The following MAML3 variants were observed in gnomAD, a reference collection of about 807,000 sequenced individuals.
MAML3 encodes mastermind-like protein 3.
MAML3 carries 27 observed loss-of-function variants against 101.9 expected under a neutral mutation model. That is an observed-to-expected ratio of 0.27 (90% CI 0.20 to 0.37). MAML3 has a LOEUF of 0.37. Among genes scored for constraint, MAML3 ranks in the 10% least tolerant of loss-of-function variants. MAML3 has a pLI of 1.00. For missense variants in MAML3, 1,316 were observed against 1,444.9 expected (o/e 0.91, Z 1.45); for synonymous variants, 501 against 555.9 (o/e 0.90, Z 1.39).
In MAML3 at chr4:139,716,767, CTTTTA is replaced by C. The variant is rs1727985011; in HGVS notation, c.*2551_*2555del. The C allele has an allele frequency of 6.6e-6, 1 of 152,428 alleles. No individual in the cohort carries two copies. Among genetic ancestry groups the C allele is most frequent in the Non-Finnish European group, 1.5e-5 (1 of 68,040 alleles). 9.4% of individuals were successfully genotyped at this position (152,428 alleles called of 1,614,324 possible). On this transcript the variant is annotated 3_prime_UTR_variant, in exon 5 of 5. Transcript: ENST00000509479. ...TATACTTTGGATTGATTCAGATAAT[CTTTTA>C]TTTTTGTTTTTGTTTTCTTTAAAAG...
rs116732664 is a variant in MAML3 at position 139,897,274 on chromosome 4, G to A, written c.469-6307C>T. Among the ~76,000 whole-genome samples the A allele has an allele frequency of 6.5e-4, 99 of 152,288 alleles. No homozygotes were observed. The Middle Eastern group carries it at 0.01, about 16-fold the overall frequency. Reference sequence around the variant, plus strand: ...GGTTTTATTACAATCATCTTGCAGAGGCATCGTGGGTTAAGCAGTGTGTCT... The same window carrying A: ...GGTTTTATTACAATCATCTTGCAGAAGCATCGTGGGTTAAGCAGTGTGTCT... On this transcript the variant is annotated intron_variant, in intron 1 of 4. Transcript: ENST00000509479.
At chr4:140,074,146 G>T (rs1727714550) in intron 1 of MAML3, among the ~76,000 whole-genome samples, 1 of 128,442 alleles carries the variant, frequency 7.8e-6, no homozygotes, top group Non-Finnish European at 1.7e-5. Flanking sequence ...GAAAAAGAAA[G>T]AAAGAAAGAG....
intron 2 of MAML3, among the ~76,000 whole-genome samples, chr4:139,821,460 C>T (rs1308379349): frequency 6.6e-6 from 1 of 152,206 alleles, no homozygotes; most frequent in Admixed American, 6.5e-5. Flanking sequence ...GGTGGAAGAG[C>T]TTCATCCTGA....
chr4:139,974,128 C>G (rs1316033675), intron 1 of MAML3, among the ~76,000 whole-genome samples: 1 of 136,526 alleles, frequency 7.3e-6, no homozygotes, highest in Admixed American at 7.6e-5. Flanking sequence ...TTTTTTGAGA[C>G]AGAGTCTCGC....
chr4:139,878,107 T>C (rs999261293), intron 2 of MAML3, among the ~76,000 whole-genome samples: 3 of 152,196 alleles, frequency 2.0e-5, no homozygotes, highest in Non-Finnish European at 4.4e-5. Context: ...TTTGCCTCGC[T>C]ATTCCGCACC....
chr4:139,944,073 T>C (rs1003709355), intron 1 of MAML3, among the ~76,000 whole-genome samples: 2 of 152,054 alleles, frequency 1.3e-5, no homozygotes, highest in African/African-American at 4.8e-5. Context: ...GATTTCACCA[T>C]GTTCGCTGGG....
At chr4:139,886,960 G>T (rs1176066710) in intron 2 of MAML3, among the ~76,000 whole-genome samples, 3 of 152,116 alleles carry the variant, frequency 2.0e-5, no homozygotes, top group Non-Finnish European at 4.4e-5. Context: ...GTGCCTAAAA[G>T]GCTTTGCTGC....
At chr4:139,779,275 C>A (rs1730156576) in intron 2 of MAML3, among the ~76,000 whole-genome samples, 2 of 152,162 alleles carry the variant, frequency 1.3e-5, no homozygotes, top group Admixed American at 1.3e-4. Flanking sequence ...GATTGATTCA[C>A]ACACCTCACA....
chr4:139,756,120 T>C (rs1459762723), intron 2 of MAML3, among the ~76,000 whole-genome samples: 1 of 152,184 alleles, frequency 6.6e-6, no homozygotes, highest in Non-Finnish European at 1.5e-5. Flanking sequence ...ATGAACATAC[T>C]GCAGGAGTAT....
At chr4:139,725,682 T>C in intron 4 of MAML3, 69 bp downstream of exon 4, 1 of 1,450,904 alleles carries the variant, frequency 6.9e-7, no homozygotes. Context: ...AGGCAATGCC[T>C]CTGGCTACAC....
intron 1 of MAML3, among the ~76,000 whole-genome samples, chr4:139,913,750 A>G (rs1443291328): frequency 6.6e-6 from 1 of 152,178 alleles, no homozygotes; most frequent in African/African-American, 2.4e-5. Flanking sequence ...GCCCCTTGGA[A>G]GGGTAGCTCA....
intron 1 of MAML3, among the ~76,000 whole-genome samples, chr4:139,953,747 A>G (rs921401262): frequency 6.6e-6 from 1 of 152,248 alleles, no homozygotes; most frequent in Non-Finnish European, 1.5e-5. Flanking sequence ...GTTGACATTT[A>G]AAAATACATA....
At position 139,720,221 on chromosome 4, in the gene MAML3, G is replaced by A. The variant is rs539161880; in HGVS notation, c.2519C>T (p.Pro840Leu). 10 of 1,612,648 alleles carry A rather than the reference G, an allele frequency of 6.2e-6. No homozygotes were observed. Among genetic ancestry groups the A allele is most frequent in the Admixed American group, 3.3e-5 (2 of 59,976 alleles). The change falls in exon 5 of 5, where the codon CCC becomes CTC. Residue 840 changes from proline (P) to leucine (L), a missense_variant. Pro to Leu is a moderately conservative substitution (Grantham distance 98). Transcript: ENST00000509479. ...AQNAGMMGIGPSQNPGTMATA... is the reference protein window; with the variant it reads ...AQNAGMMGIGLSQNPGTMATA... ...GGCCATCGTCCCAGGGTTCTGGGAG[G>A]GTCCTATTCCCATCATGCCTGCGTT... is the stretch of plus-strand genomic sequence containing the variant.
chr4:140,117,233 T>A (rs1728531069), intron 1 of MAML3, among the ~76,000 whole-genome samples: 1 of 152,168 alleles, frequency 6.6e-6, no homozygotes, highest in East Asian at 1.9e-4. Flanking sequence ...AAGCAAATGT[T>A]TGGGGTTCCT....
chr4:139,812,019 T>G (rs1048166570), intron 2 of MAML3, among the ~76,000 whole-genome samples: 10 of 152,042 alleles, frequency 6.6e-5, no homozygotes, highest in African/African-American at 2.2e-4. Context: ...TCCTAACATT[T>G]TGGGAAGCTG....
In MAML3 at chr4:139,862,356, CAG is replaced by C. The variant is rs200779777; in HGVS notation, c.2079+26999_2079+27000del. 8.1e-3 allele frequency among the ~76,000 whole-genome samples: 1,226 copies of C among 152,138 alleles called. 20 individuals carry two copies. The highest frequency in any genetic ancestry group is 0.028 in the African/African-American group (1,177 of 41,404). On this transcript the variant is annotated intron_variant, in intron 2 of 4. Transcript: ENST00000509479. Reference sequence around the variant, plus strand: ...AGTGGGCAAACATGTTTGGAAACCACAGAGTTATCCACAGATGCCCCTCACAT... The same window carrying C: ...AGTGGGCAAACATGTTTGGAAACCACAGTTATCCACAGATGCCCCTCACAT...
At chr4:139,737,422 T>C (rs958029725) in intron 2 of MAML3, among the ~76,000 whole-genome samples, 3 of 151,858 alleles carry the variant, frequency 2.0e-5, no homozygotes, top group Admixed American at 6.6e-5. Flanking sequence ...CTGGTCTAAA[T>C]TGAGCGGACC....
At chr4:139,721,414 T>A (rs887220798) in intron 4 of MAML3, among the ~76,000 whole-genome samples, 5 of 152,230 alleles carry the variant, frequency 3.3e-5, no homozygotes, top group African/African-American at 1.2e-4. Flanking sequence ...ATAGTTTTTT[T>A]CCTGGACATT....
At chr4:139,975,709 A>C (rs1734326873) in intron 1 of MAML3, among the ~76,000 whole-genome samples, 1 of 152,186 alleles carries the variant, frequency 6.6e-6, no homozygotes, top group African/African-American at 2.4e-5. Context: ...GAATGAAGGC[A>C]TGAATATAAT....
Sources: gnomAD v4.1 joint callset for allele counts (sites outside exome capture counted in the v4.1 genomes callset) on GRCh38, gnomAD v4.1.1 for gene constraint, MANE v1.5 for transcripts, NCBI Gene and HGNC (gene_info 2026-07-23, HGNC 2026-07-21) for gene names.